The following KSR2 variants were observed in gnomAD, a reference collection of about 807,000 sequenced individuals.
The protein encoded by KSR2 is kinase suppressor of ras 2.
A neutral mutation model predicts 107.8 loss-of-function variants in KSR2; 25 were observed. The ratio of observed to expected loss-of-function variants is 0.23; its 90% CI spans 0.17 to 0.32. The LOEUF (loss-of-function observed/expected upper bound fraction) is 0.32, where lower values mean the gene tolerates loss of function less well. Ranked by LOEUF, KSR2 falls within the 10% of genes least tolerant of loss-of-function variation. The probability of loss-of-function intolerance (pLI) is 1.00; values close to 1 mark genes in which losing one functional copy is unlikely to be tolerated. For synonymous variants in KSR2, 480 were observed against 507.0 expected (o/e 0.95, Z 0.71); for missense variants, 887 against 1,268.9 (o/e 0.70, Z 4.57).
chr12:117,880,149 AAAAC>A (rs770894846), intron 1 of KSR2, among the ~76,000 whole-genome samples: 16 of 152,346 alleles, frequency 1.1e-4, no homozygotes, highest in East Asian at 9.6e-4. Flanking sequence ...TCCATCTCAA[AAAAC>A]AAACAAACAA....
At chr12:117,843,430 G>C (rs57850246) in intron 3 of KSR2, among the ~76,000 whole-genome samples, 3,146 of 152,224 alleles carry the variant, frequency 0.021, 102 homozygotes, top group African/African-American at 0.071. Flanking sequence ...TCCTCTCCCA[G>C]TCATGGATTA....
chr12:117,538,733 A>G (rs986336469), intron 10 of KSR2, among the ~76,000 whole-genome samples: 35 of 152,268 alleles, frequency 2.3e-4, no homozygotes, highest in African/African-American at 8.4e-4. Flanking sequence ...TTTTTAAATT[A>G]TATTTAATTT....
intron 4 of KSR2, among the ~76,000 whole-genome samples, chr12:117,712,028 C>G (rs1444343409): frequency 3.3e-5 from 5 of 152,172 alleles, no homozygotes; most frequent in Non-Finnish European, 5.9e-5. Context: ...ACCCAAGATC[C>G]AGGTTTGAAT....
intron 3 of KSR2, among the ~76,000 whole-genome samples, chr12:117,828,518 A>T (rs1238430608): frequency 6.6e-6 from 1 of 152,194 alleles, no homozygotes; most frequent in African/African-American, 2.4e-5. Flanking sequence ...ACTTAACATA[A>T]TCCTAAGAAG....
At chr12:117,744,369 G>A (rs545951202) in intron 4 of KSR2, among the ~76,000 whole-genome samples, 25 of 152,236 alleles carry the variant, frequency 1.6e-4, no homozygotes, top group African/African-American at 5.3e-4. Flanking sequence ...CTTCCCATGC[G>A]TCCATGTGTT....
chr12:117,930,167 G>A (rs1895657217), intron 1 of KSR2, among the ~76,000 whole-genome samples: 1 of 151,968 alleles, frequency 6.6e-6, no homozygotes, highest in Non-Finnish European at 1.5e-5. Context: ...CCAAGTAGCT[G>A]AGACTACAGG....
chr12:117,558,552 G>A lies in KSR2; in HGVS notation c.1347C>T (p.Cys449=), dbSNP rs748643561. The A allele has an allele frequency of 2.5e-6, 4 of 1,613,860 alleles. No individual in the cohort carries two copies. The South Asian group carries it at 3.3e-5, about 13-fold the overall frequency. The change falls in exon 8 of 20, where the codon TGC becomes TGT. Residue 449 remains cysteine, a synonymous_variant. Transcript: ENST00000339824. ...KNCKLKCHNK[C]TKEAPPCHLL... is the part of the protein sequence containing the mutation. ...GATGACAGGGTGGGGCTTCTTTGGT[G>A]CATTTGTTGTGGCACTTTAACCTGA...
At position 117,854,342 on chromosome 12, in the gene KSR2, A is replaced by C. The variant is rs894210839; in HGVS notation, c.472+1086T>G. Among the ~76,000 whole-genome samples the C allele has an allele frequency of 2.0e-5, 3 of 152,300 alleles. No homozygotes were observed. The South Asian group carries it at 6.2e-4, about 32-fold the overall frequency. On this transcript the variant is annotated intron_variant, in intron 3 of 19. Transcript: ENST00000339824. ...TTTTGATGCTGACTGTACCTGAATCAGGATCTGCCAGCAAGAAAAAATACA... is the reference window on the plus strand; with the variant it reads ...TTTTGATGCTGACTGTACCTGAATCCGGATCTGCCAGCAAGAAAAAATACA...
At chr12:117,683,225 T>C (rs753032054) in intron 4 of KSR2, among the ~76,000 whole-genome samples, 1 of 152,164 alleles carries the variant, frequency 6.6e-6, no homozygotes, top group Non-Finnish European at 1.5e-5. Flanking sequence ...ATATGACATA[T>C]ACTATTTTTT....
chr12:117,849,064 T>C (rs1241752337), intron 3 of KSR2, among the ~76,000 whole-genome samples: 1 of 152,122 alleles, frequency 6.6e-6, no homozygotes, highest in Non-Finnish European at 1.5e-5. Flanking sequence ...AAACCCAAGT[T>C]TGTTGGACTC....
At chr12:117,755,677 A>C (rs1460021839) in intron 4 of KSR2, among the ~76,000 whole-genome samples, 1 of 152,216 alleles carries the variant, frequency 6.6e-6, no homozygotes, top group Non-Finnish European at 1.5e-5. Flanking sequence ...CGTTCCAGTG[A>C]AAGGAAGAAT....
chr12:117,847,704 C>T (rs187750431), intron 3 of KSR2, among the ~76,000 whole-genome samples: 63 of 152,330 alleles, frequency 4.1e-4, no homozygotes, highest in African/African-American at 1.5e-3. Context: ...TGGCCCTGCC[C>T]ACCTGTCTGG....
rs11068609 is a variant in KSR2, at chr12:117,667,442, C to T, written c.1171+32G>A. On this transcript the variant is annotated intron_variant, in intron 5 of 19. Transcript: ENST00000339824. ...GGGGAGAAGGAGGTGGCATGGCAAG[C>T]GTTCCCAGTGCAGCCCGGCAGGGTG... is the stretch of plus-strand genomic sequence containing the variant. The T allele has an allele frequency of 5.7e-3, 9,104 of 1,590,916 alleles. 237 individuals carry two copies. The East Asian group carries it at 0.065, about 11-fold the overall frequency.
intron 1 of KSR2, among the ~76,000 whole-genome samples, chr12:117,927,460 G>C (rs929230278): frequency 6.6e-6 from 1 of 152,058 alleles, no homozygotes; most frequent in Non-Finnish European, 1.5e-5. Flanking sequence ...GGGAGGCCGA[G>C]GCAGGTGGAT....
chr12:117,966,629 A>ACT (rs1265516495), intron 1 of KSR2, among the ~76,000 whole-genome samples: 1 of 149,510 alleles, frequency 6.7e-6, no homozygotes, highest in Non-Finnish European at 1.5e-5. Context: ...GCACGCACAC[A>ACT]CACACACACA....
At chr12:117,583,100 T>G (rs1446035932) in intron 5 of KSR2, among the ~76,000 whole-genome samples, 1 of 152,092 alleles carries the variant, frequency 6.6e-6, no homozygotes, top group Non-Finnish European at 1.5e-5. Flanking sequence ...AGTAAGTAGG[T>G]GGGTGGATGA....
intron 1 of KSR2, among the ~76,000 whole-genome samples, chr12:117,883,671 T>C (rs1285658232): frequency 1.3e-5 from 2 of 152,100 alleles, no homozygotes; most frequent in African/African-American, 2.4e-5. Context: ...TGGAATATTA[T>C]GGGCAAAAGG....
intron 4 of KSR2, among the ~76,000 whole-genome samples, chr12:117,679,082 G>T (rs868063533): frequency 4.6e-5 from 7 of 152,270 alleles, no homozygotes; most frequent in Middle Eastern, 3.4e-3. Context: ...CTTTCACCTT[G>T]AACCTGCTCT....
chr12:117,672,921 G>A lies in KSR2; in HGVS notation c.987-5263C>T, dbSNP rs570701379. On this transcript the variant is annotated intron_variant, in intron 4 of 19. Transcript: ENST00000339824. ...TGGGATTACAGGCGTGGGCCACTGC[G>A]CCTGGTGATATCCAACAAACTTTCA... 8.7e-4 allele frequency among the ~76,000 whole-genome samples: 133 copies of A among 152,324 alleles called. 1 individual carries two copies. In the South Asian group the frequency reaches 0.027, roughly 30 times the overall value.
Sources: gnomAD v4.1 joint callset for allele counts (sites outside exome capture counted in the v4.1 genomes callset) on GRCh38, gnomAD v4.1.1 for gene constraint, MANE v1.5 for transcripts, NCBI Gene and HGNC (gene_info 2026-07-23, HGNC 2026-07-21) for gene names.